Variants in CCDC102B observed in about 807,000 individuals in gnomAD.
The protein encoded by CCDC102B is coiled-coil domain containing 102B.
In CCDC102B, 75 loss-of-function variants were observed where a neutral mutation model predicts 57.4. That is an observed-to-expected ratio of 1.31 (90% confidence interval 1.08 to 1.58). CCDC102B has a LOEUF of 1.58. Among genes scored for constraint, CCDC102B ranks in the 40% most tolerant of loss-of-function variants. CCDC102B has a pLI of 0.00. For missense variants in CCDC102B, 636 were observed against 582.6 expected (o/e 1.09, Z -0.94); for synonymous variants, 206 against 201.9 (o/e 1.02, Z -0.17).
intron 6 of CCDC102B, among the ~76,000 whole-genome samples, chr18:69,003,206 C>T (rs1337082005): frequency 6.6e-6 from 1 of 152,016 alleles, no homozygotes; most frequent in Non-Finnish European, 1.5e-5. Context: ...ATTATGGTCT[C>T]ATAATTTAAG....
chr18:68,919,243 T>C (rs532333534), intron 6 of CCDC102B, among the ~76,000 whole-genome samples: 2 of 152,264 alleles, frequency 1.3e-5, no homozygotes, highest in East Asian at 3.9e-4. Context: ...TTATTCACTG[T>C]ATGTGCATGA....
intron 7 of CCDC102B, among the ~76,000 whole-genome samples, chr18:69,039,881 A>G (rs1359684925): frequency 6.6e-6 from 1 of 151,476 alleles, no homozygotes; most frequent in Non-Finnish European, 1.5e-5. Context: ...AATTATTACT[A>G]TATGTTATGT....
intron 2 of CCDC102B, among the ~76,000 whole-genome samples, chr18:68,729,224 G>A (rs1192827503): frequency 6.6e-6 from 1 of 152,286 alleles, no homozygotes; most frequent in South Asian, 2.1e-4. Flanking sequence ...TAAATGGAGA[G>A]ATAAAGCACT....
chr18:69,037,814 G>A (rs901523244), intron 7 of CCDC102B, among the ~76,000 whole-genome samples: 6 of 152,022 alleles, frequency 3.9e-5, no homozygotes, highest in East Asian at 3.9e-4. Context: ...ATCTGAGTAC[G>A]GAGTCTAATT....
intron 6 of CCDC102B, among the ~76,000 whole-genome samples, chr18:68,941,243 T>C (rs546283441): frequency 7.3e-6 from 1 of 136,750 alleles, no homozygotes; most frequent in South Asian, 2.4e-4. Flanking sequence ...AAGAAATTTA[T>C]AACTATGGTG....
chr18:68,813,711 A>G (rs1163162305), intron 1 of CCDC102B, among the ~76,000 whole-genome samples: 1 of 151,858 alleles, frequency 6.6e-6, no homozygotes, highest in Non-Finnish European at 1.5e-5. Flanking sequence ...CCTAATCCTA[A>G]GAATTAATGG....
At chr18:68,806,710 T>C (rs1326666200) in intron 1 of CCDC102B, among the ~76,000 whole-genome samples, 1 of 152,126 alleles carries the variant, frequency 6.6e-6, no homozygotes, top group Non-Finnish European at 1.5e-5. Context: ...TTAAAGTAGC[T>C]ACATTTAAAA....
At chr18:69,016,277 G>A (rs568451042) in intron 7 of CCDC102B, among the ~76,000 whole-genome samples, 36 of 152,180 alleles carry the variant, frequency 2.4e-4, no homozygotes, top group African/African-American at 8.4e-4. Context: ...CTGATAAAAA[G>A]TATAATAATG....
At chr18:68,925,834 A>G (rs576346602) in intron 6 of CCDC102B, among the ~76,000 whole-genome samples, 2 of 152,146 alleles carry the variant, frequency 1.3e-5, no homozygotes, top group Non-Finnish European at 2.9e-5. Flanking sequence ...TCAGTCATTA[A>G]CACCAATACA....
chr18:68,935,335 G>A (rs1447971317), intron 6 of CCDC102B, among the ~76,000 whole-genome samples: 1 of 151,934 alleles, frequency 6.6e-6, no homozygotes, highest in African/African-American at 2.4e-5. Flanking sequence ...AGAACGTGAG[G>A]AGTCAAGAAT....
intron 6 of CCDC102B, among the ~76,000 whole-genome samples, chr18:68,928,248 T>A (rs2041545380): frequency 6.6e-6 from 1 of 151,934 alleles, no homozygotes; most frequent in African/African-American, 2.4e-5. Context: ...ATTGGAGACA[T>A]CGCCTGGATT....
chr18:68,793,871 A>G (rs1366696828), upstream of CCDC102B, among the ~76,000 whole-genome samples: 1 of 152,218 alleles, frequency 6.6e-6, no homozygotes, highest in Non-Finnish European at 1.5e-5. Flanking sequence ...TATTGGAATC[A>G]GGAACTGCCC....
intron 6 of CCDC102B, among the ~76,000 whole-genome samples, chr18:68,986,936 T>C (rs2050739891): frequency 6.6e-6 from 1 of 151,930 alleles, no homozygotes; most frequent in Non-Finnish European, 1.5e-5. Context: ...TACAAATGAG[T>C]GGAAAAACAT....
intron 5 of CCDC102B, among the ~76,000 whole-genome samples, chr18:68,879,739 G>A (rs1247005026): frequency 6.6e-6 from 1 of 152,124 alleles, no homozygotes; most frequent in African/African-American, 2.4e-5. Flanking sequence ...GGTTCTCCAA[G>A]GCCCCACCAG....
intron 2 of CCDC102B, among the ~76,000 whole-genome samples, chr18:68,738,458 A>C (rs777597790): frequency 6.6e-6 from 1 of 152,140 alleles, no homozygotes. Flanking sequence ...ATCTGATATA[A>C]TCATTTCCAA....
chr18:68,726,066 A>G (rs1476583414), intron 2 of CCDC102B, among the ~76,000 whole-genome samples: 2 of 152,210 alleles, frequency 1.3e-5, no homozygotes, highest in African/African-American at 4.8e-5. Context: ...GAATGGGGAG[A>G]TGCTTCTGGA....
At chr18:68,736,499 C>T (rs1039301830) in intron 2 of CCDC102B, among the ~76,000 whole-genome samples, 2 of 152,190 alleles carry the variant, frequency 1.3e-5, no homozygotes, top group Non-Finnish European at 2.9e-5. Context: ...GCACCGCGCA[C>T]ATCTTTATAT....
chr18:69,011,145 A>G lies in CCDC102B; in HGVS notation c.1434+41A>G, dbSNP rs754998779. The stretch of plus-strand genomic sequence containing the variant: ...TGAACACGTGCTGGACAGCTTCTAA[A>G]TAGTATTTTAGAGCATATCTAAAGA... On this transcript the variant is annotated intron_variant, in intron 7 of 7. Transcript: ENST00000360242. 29 of 1,551,922 alleles carry G rather than the reference A, an allele frequency of 1.9e-5. 1 individual carries two copies. The highest frequency in any genetic ancestry group is 1.7e-4 in the Middle Eastern group (1 of 5,810).
chr18:68,858,466 A>G lies in CCDC102B; in HGVS notation c.936+12045A>G, dbSNP rs145981192. Reference sequence around the variant, plus strand: ...TATATTTGGAAAATTTCTGGTCATTATATTTTTCAAATATTTAACTTCCCC... The same window carrying G: ...TATATTTGGAAAATTTCTGGTCATTGTATTTTTCAAATATTTAACTTCCCC... On this transcript the variant is annotated intron_variant, in intron 4 of 7. Coordinates refer to ENST00000360242, the MANE Select transcript of CCDC102B (RefSeq NM_024781.3). Among the ~76,000 whole-genome samples the G allele has an allele frequency of 1.4e-4, 21 of 152,210 alleles. No homozygotes were observed. In the East Asian group the frequency reaches 4.1e-3, roughly 29 times the overall value.
Sources: gnomAD v4.1 joint callset for allele counts (sites outside exome capture counted in the v4.1 genomes callset) on GRCh38, gnomAD v4.1.1 for gene constraint, MANE v1.5 for transcripts, NCBI Gene and HGNC (gene_info 2026-07-23, HGNC 2026-07-21) for gene names.